SDK2: variants seen among roughly 807,000 people sequenced by gnomAD.
SDK2 encodes the protein sidekick cell adhesion molecule 2.
Under a neutral mutation model 253.9 loss-of-function variants are expected in SDK2, and 105 were observed. The observed-to-expected ratio is 0.41, with a 90% CI of 0.35 to 0.49. SDK2 has a LOEUF of 0.49. Ranked by LOEUF, SDK2 falls within the 20% of genes least tolerant of loss-of-function variation. SDK2 has a pLI of 0.06. For missense variants in SDK2, 2,608 were observed against 3,003.0 expected (o/e 0.87, Z 3.07); for synonymous variants, 1,249 against 1,234.9 (o/e 1.01, Z -0.24).
chr17:73,558,212 C>T (rs2045174555), intron 1 of SDK2, among the ~76,000 whole-genome samples: 1 of 152,230 alleles, frequency 6.6e-6, no homozygotes, highest in Non-Finnish European at 1.5e-5. Flanking sequence ...AGTAAAGACT[C>T]TGACCCCACA....
intron 1 of SDK2, among the ~76,000 whole-genome samples, chr17:73,626,580 G>A (rs1480055544): frequency 6.6e-6 from 1 of 152,208 alleles, no homozygotes; most frequent in African/African-American, 2.4e-5. Flanking sequence ...CCCCACCACT[G>A]GTTACTCAGG....
chr17:73,461,014 G>A (rs1445072579), intron 3 of SDK2, among the ~76,000 whole-genome samples: 1 of 152,208 alleles, frequency 6.6e-6, no homozygotes, highest in Non-Finnish European at 1.5e-5. Flanking sequence ...TGAACACTGA[G>A]GGCCAGGTTC....
chr17:73,593,382 T>C (rs981266446), intron 1 of SDK2, among the ~76,000 whole-genome samples: 1 of 152,134 alleles, frequency 6.6e-6, no homozygotes, highest in African/African-American at 2.4e-5. Flanking sequence ...CACAAGAGCA[T>C]CCTTCCTCCT....
intron 1 of SDK2, among the ~76,000 whole-genome samples, chr17:73,624,366 G>A (rs1172602570): frequency 6.6e-6 from 1 of 152,148 alleles, no homozygotes; most frequent in South Asian, 2.1e-4. Context: ...GTGGTAGTGC[G>A]CCTATAGTCC....
chr17:73,460,470 A>T (rs867959023), intron 3 of SDK2, among the ~76,000 whole-genome samples: 1 of 152,208 alleles, frequency 6.6e-6, no homozygotes, highest in Non-Finnish European at 1.5e-5. Flanking sequence ...GCAGTATACC[A>T]TTATGTTTTG....
chr17:73,581,452 G>T (rs954426423), intron 1 of SDK2, among the ~76,000 whole-genome samples: 1 of 152,380 alleles, frequency 6.6e-6, no homozygotes, highest in African/African-American at 2.4e-5. Context: ...GGCACACAGA[G>T]AATCTGGGTC....
intron 36 of SDK2, among the ~76,000 whole-genome samples, chr17:73,378,843 G>A (rs1194792679): frequency 6.6e-6 from 1 of 152,182 alleles, no homozygotes; most frequent in Non-Finnish European, 1.5e-5. Context: ...CTTAAGTTAT[G>A]TATGGGGTTG....
At chr17:73,457,593 C>T (rs56085807) in intron 3 of SDK2, among the ~76,000 whole-genome samples, 90,979 of 151,118 alleles carry the variant, frequency 0.6, 28,184 homozygotes, top group East Asian at 0.83. Context: ...TAAAGTGATC[C>T]GCCCGCCTCG....
intron 2 of SDK2, among the ~76,000 whole-genome samples, chr17:73,499,524 C>G (rs1220669455): frequency 6.6e-6 from 1 of 152,238 alleles, no homozygotes; most frequent in African/African-American, 2.4e-5. Context: ...CACACCCTCA[C>G]GCTTGCCTCT....
intron 39 of SDK2, among the ~76,000 whole-genome samples, chr17:73,359,113 T>C (rs1374922885): frequency 2.0e-5 from 3 of 151,920 alleles, no homozygotes; most frequent in African/African-American, 7.3e-5. Context: ...CAGAGCTGGG[T>C]ACACAGTAGG....
At chr17:73,477,657 G>T (rs1369136857) in intron 2 of SDK2, among the ~76,000 whole-genome samples, 1 of 152,222 alleles carries the variant, frequency 6.6e-6, no homozygotes, top group Admixed American at 6.5e-5. Context: ...GAGGCTCAGA[G>T]AGGAGGGTGA....
chr17:73,416,727 C>CT (rs1413655904), intron 16 of SDK2, among the ~76,000 whole-genome samples: 8 of 151,884 alleles, frequency 5.3e-5, no homozygotes, highest in Admixed American at 5.2e-4. Flanking sequence ...GTAGCTGGGA[C>CT]TACAGGCATG....
chr17:73,561,827 A>G (rs1031565807), intron 1 of SDK2, among the ~76,000 whole-genome samples: 5 of 152,358 alleles, frequency 3.3e-5, no homozygotes, highest in Non-Finnish European at 7.3e-5. Context: ...CTAGTCATCA[A>G]GATAAATAAC....
intron 1 of SDK2, among the ~76,000 whole-genome samples, chr17:73,561,986 C>T (rs999757264): frequency 3.0e-4 from 46 of 151,960 alleles, no homozygotes; most frequent in African/African-American, 1.0e-3. Context: ...ATTAGCTGGG[C>T]GTGGTGGTGT....
intron 1 of SDK2, among the ~76,000 whole-genome samples, chr17:73,543,180 G>A (rs569442601): frequency 1.8e-4 from 27 of 152,280 alleles, no homozygotes; most frequent in Non-Finnish European, 2.6e-4. Flanking sequence ...GGGGCACTCA[G>A]CTCCCTGCCC....
chr17:73,425,273 A>T (rs929372243), intron 12 of SDK2, among the ~76,000 whole-genome samples: 3 of 152,216 alleles, frequency 2.0e-5, no homozygotes, highest in Admixed American at 1.3e-4. Context: ...ACAGAAAAGT[A>T]AAAAGTACGG....
chr17:73,481,573 G>A lies in SDK2; in HGVS notation c.225-9355C>T, dbSNP rs2063724136. On this transcript the variant is annotated intron_variant, in intron 2 of 44. Coordinates refer to ENST00000392650, the MANE Select transcript of SDK2 (RefSeq NM_001144952.2). The surrounding 1 kb of genome is among the most constrained non-coding windows in gnomAD (Gnocchi z 4.5). ...GAGACAGAAAGACAGGAGACAGAGT[G>A]GTGAAAGCCCTCTCCCCTCGCAGGA... is the stretch of plus-strand genomic sequence containing the variant. Among the ~76,000 whole-genome samples, 1 of 152,082 alleles carries A rather than the reference G, an allele frequency of 6.6e-6. No individual in the cohort carries two copies. Among genetic ancestry groups the A allele is most frequent in the South Asian group, 2.1e-4 (1 of 4,828 alleles).
At chr17:73,377,972 GGC>G (rs2062797841) in intron 36 of SDK2, among the ~76,000 whole-genome samples, 4 of 152,042 alleles carry the variant, frequency 2.6e-5, no homozygotes, top group Admixed American at 6.6e-5. Flanking sequence ...TCCTCATTTG[GGC>G]ATAAAAACCC....
chr17:73,598,236 C>A (rs1912451449), intron 1 of SDK2, among the ~76,000 whole-genome samples: 3 of 152,154 alleles, frequency 2.0e-5, no homozygotes, highest in Admixed American at 2.0e-4. Flanking sequence ...TAGGCCGGAC[C>A]CACAGGCAGT....
Sources: gnomAD v4.1 joint callset for allele counts (sites outside exome capture counted in the v4.1 genomes callset) on GRCh38, gnomAD v4.1.1 for gene constraint, Gnocchi (gnomAD v3.1) non-coding constraint, MANE v1.5 for transcripts, NCBI Gene and HGNC (gene_info 2026-07-23, HGNC 2026-07-21) for gene names.